The following SIPA1L2 variants were observed in gnomAD, a reference collection of about 807,000 sequenced individuals.
The protein encoded by SIPA1L2 is signal-induced proliferation-associated 1-like protein 2.
A neutral mutation model predicts 163.9 loss-of-function variants in SIPA1L2; 56 were observed. The observed-to-expected ratio is 0.34, with a 90% CI of 0.28 to 0.43. The LOEUF (loss-of-function observed/expected upper bound fraction) is 0.43, where lower values mean the gene tolerates loss of function less well. Ranked by LOEUF, SIPA1L2 falls within the 20% of genes least tolerant of loss-of-function variation. The pLI, the probability that SIPA1L2 is intolerant of heterozygous loss-of-function variation, is 1.00. For synonymous variants in SIPA1L2, 877 were observed against 865.7 expected (o/e 1.01, Z -0.23); for missense variants, 1,974 against 2,193.5 (o/e 0.90, Z 2.00).
At chr1:232,618,327 T>C (rs1662612320) in intron 1 of SIPA1L2, among the ~76,000 whole-genome samples, 2 of 152,182 alleles carry the variant, frequency 1.3e-5, no homozygotes, top group Non-Finnish European at 2.9e-5. Context: ...GAGCTCTTTT[T>C]GTCCACAGAC....
In SIPA1L2 at chr1:232,489,562, T is replaced by TA. The variant is rs200706831; in HGVS notation, c.1806+1311dup. On this transcript the variant is annotated intron_variant, in intron 5 of 22. Coordinates refer to ENST00000674635, the MANE Select transcript of SIPA1L2 (RefSeq NM_020808.5). ...TCTCAAGATTATTCATTCTGAGTGT[T>TA]ACAATATCTGCTTCTTTTTGCTAAT... Among the ~76,000 whole-genome samples the TA allele has an allele frequency of 8.5e-5, 13 of 152,302 alleles. No individual in the cohort carries two copies. The East Asian group carries it at 2.5e-3, about 29-fold the overall frequency.
At chr1:232,561,518 T>C (rs1260091718) in intron 2 of SIPA1L2, 1 of 152,136 alleles carries the variant, frequency 6.6e-6, no homozygotes, top group Non-Finnish European at 1.5e-5. Flanking sequence ...CCGATGTCCT[T>C]CTCTACCACA....
At chr1:232,435,166 G>A (rs1426022726) in intron 15 of SIPA1L2, among the ~76,000 whole-genome samples, 3 of 152,170 alleles carry the variant, frequency 2.0e-5, no homozygotes, top group Non-Finnish European at 2.9e-5. Context: ...AGCTGCATGT[G>A]TGTAGGTTAC....
chr1:232,504,221 A>C (rs141761079), intron 3 of SIPA1L2, among the ~76,000 whole-genome samples: 20 of 151,488 alleles, frequency 1.3e-4, no homozygotes, highest in Non-Finnish European at 2.2e-4. Context: ...AATAACAACA[A>C]CAACAACAAC....
chr1:232,429,514 T>C (rs953032683), intron 16 of SIPA1L2, among the ~76,000 whole-genome samples: 1 of 152,106 alleles, frequency 6.6e-6, no homozygotes, highest in African/African-American at 2.4e-5. Flanking sequence ...TCTAAAATCC[T>C]CTATGGCTTT....
intron 5 of SIPA1L2, among the ~76,000 whole-genome samples, chr1:232,488,199 C>A (rs1017364811): frequency 6.6e-6 from 1 of 152,170 alleles, no homozygotes; most frequent in Non-Finnish European, 1.5e-5. Flanking sequence ...ATGATCCACC[C>A]ACCTTGGCCT....
chr1:232,411,872 G>C (rs1660977837), intron 19 of SIPA1L2, among the ~76,000 whole-genome samples: 1 of 152,000 alleles, frequency 6.6e-6, no homozygotes, highest in Non-Finnish European at 1.5e-5. Flanking sequence ...CTTTCTAAGT[G>C]GTCAGATTTT....
At chr1:232,622,475 C>T (rs1292305914) in intron 1 of SIPA1L2, among the ~76,000 whole-genome samples, 2 of 152,238 alleles carry the variant, frequency 1.3e-5, no homozygotes, top group Non-Finnish European at 2.9e-5. Flanking sequence ...CCTTTCTGTT[C>T]AGTAAGCTTG....
chr1:232,589,264 A>G (rs915646306), intron 1 of SIPA1L2, among the ~76,000 whole-genome samples: 5 of 152,254 alleles, frequency 3.3e-5, no homozygotes, highest in Non-Finnish European at 5.9e-5. Flanking sequence ...TAAACTATTT[A>G]AACATTTGGA....
intron 22 of SIPA1L2, 26 bp from the exon 23 acceptor site, chr1:232,399,299 T>A (rs1303386238): frequency 6.2e-7 from 1 of 1,606,904 alleles, no homozygotes; most frequent in Non-Finnish European, 8.5e-7. Flanking sequence ...ATAAACTGAG[T>A]CATGGAGACT....
At chr1:232,616,667 C>CAGAG (rs1245467093) in intron 1 of SIPA1L2, among the ~76,000 whole-genome samples, 4 of 152,190 alleles carry the variant, frequency 2.6e-5, no homozygotes, top group Non-Finnish European at 5.9e-5. Flanking sequence ...TTTCCACTGC[C>CAGAG]AGAGCATTTT....
At chr1:232,509,667 G>C (rs1321358621) in intron 3 of SIPA1L2, among the ~76,000 whole-genome samples, 1 of 152,162 alleles carries the variant, frequency 6.6e-6, no homozygotes, top group Non-Finnish European at 1.5e-5. Context: ...CACCATAGGA[G>C]GCCTCCACCT....
At chr1:232,400,481 A>G (rs1660272285) in intron 22 of SIPA1L2, among the ~76,000 whole-genome samples, 1 of 152,116 alleles carries the variant, frequency 6.6e-6, no homozygotes, top group Non-Finnish European at 1.5e-5. Context: ...CGTCCCCAGC[A>G]GCTCACTATG....
chr1:232,521,788 T>C (rs970176988), intron 2 of SIPA1L2, among the ~76,000 whole-genome samples: 1 of 152,224 alleles, frequency 6.6e-6, no homozygotes, highest in South Asian at 2.1e-4. Flanking sequence ...CTGATGTTTT[T>C]CAGGGTTTAC....
chr1:232,419,938 A>G (rs1661471331), intron 18 of SIPA1L2, among the ~76,000 whole-genome samples: 1 of 152,200 alleles, frequency 6.6e-6, no homozygotes, highest in Non-Finnish European at 1.5e-5. Flanking sequence ...GAGAATAACT[A>G]GTAAGACACA....
chr1:232,425,103 G>A (rs1398624185), intron 18 of SIPA1L2, among the ~76,000 whole-genome samples: 1 of 152,114 alleles, frequency 6.6e-6, no homozygotes. Context: ...AGCCGCCCAC[G>A]GGTAAAGCCC....
At chr1:232,628,623 C>T (rs1370724618) in intron 1 of SIPA1L2, among the ~76,000 whole-genome samples, 1 of 152,096 alleles carries the variant, frequency 6.6e-6, no homozygotes, top group Non-Finnish European at 1.5e-5. Flanking sequence ...TCTCAATATC[C>T]GCAAAAATAT....
At chr1:232,488,626 C>T (rs998944794) in intron 5 of SIPA1L2, among the ~76,000 whole-genome samples, 3 of 152,150 alleles carry the variant, frequency 2.0e-5, no homozygotes, top group Non-Finnish European at 4.4e-5. Context: ...AAGAAAAGCC[C>T]ATGAACTACT....
intron 2 of SIPA1L2, among the ~76,000 whole-genome samples, chr1:232,528,976 A>C (rs1024247384): frequency 6.6e-6 from 1 of 152,196 alleles, no homozygotes; most frequent in Non-Finnish European, 1.5e-5. Flanking sequence ...TAAGGGAGAT[A>C]ATCTGTTCTC....
Sources: allele counts gnomAD v4.1 joint callset (sites outside exome capture counted in the v4.1 genomes callset), GRCh38; gene constraint gnomAD v4.1.1; transcripts MANE v1.5; gene names NCBI Gene and HGNC (gene_info 2026-07-23, HGNC 2026-07-21).